The following EYA3 variants were observed in gnomAD, a reference collection of about 807,000 sequenced individuals.
EYA3 encodes the protein protein phosphatase EYA3.
EYA3 carries 39 observed loss-of-function variants against 80.0 expected under a neutral mutation model. The ratio of observed to expected loss-of-function variants is 0.49; its 90% confidence interval spans 0.38 to 0.64. The LOEUF (loss-of-function observed/expected upper bound fraction) is 0.64. Ranked by LOEUF, EYA3 falls within the 30% of genes least tolerant of loss-of-function variation. The pLI, the probability that EYA3 is intolerant of heterozygous loss-of-function variation, is 0.00. For missense variants in EYA3, 523 were observed against 676.1 expected, an observed-to-expected ratio of 0.77 and a Z score of 2.51; for synonymous variants, 206 against 232.8, an observed-to-expected ratio of 0.88 and a Z score of 1.05.
At chr1:28,012,176 A>G (rs1392336871) in intron 9 of EYA3, among the ~76,000 whole-genome samples, 4 of 152,184 alleles carry the variant, frequency 2.6e-5, no homozygotes, top group Admixed American at 1.3e-4. Flanking sequence ...CTATAAGTTG[A>G]TAACTGTTGA....
chr1:27,977,271 G>T (rs1257376423), intron 17 of EYA3: 2 of 1,544,674 alleles, frequency 1.3e-6, no homozygotes, highest in Non-Finnish European at 1.7e-6. Flanking sequence ...AATGCCAACT[G>T]ATTACCAATC....
intron 16 of EYA3, 129 bp from the exon 17 acceptor site, chr1:27,978,603 CTGGGGAGTAGGGA>C: frequency 1.5e-6 from 1 of 664,058 alleles, no homozygotes; most frequent in Non-Finnish European, 2.6e-6. Context: ...AGTTTGCTTG[CTGGGGAGTAGGGA>C]TGGGAGCTAG....
At chr1:28,043,893 C>A (rs936048969) in intron 3 of EYA3, among the ~76,000 whole-genome samples, 3 of 152,088 alleles carry the variant, frequency 2.0e-5, no homozygotes, top group Non-Finnish European at 4.4e-5. Context: ...TGTTTCCAAG[C>A]GGGGGTTCTA....
intron 16 of EYA3, among the ~76,000 whole-genome samples, chr1:27,982,935 A>G (rs1387266393): frequency 2.0e-5 from 3 of 152,192 alleles, no homozygotes; most frequent in Admixed American, 6.5e-5. Context: ...GCAATATAGC[A>G]TTCTGTTGTT....
At chr1:28,084,672 G>A (rs1425597234) in intron 1 of EYA3, among the ~76,000 whole-genome samples, 2 of 126,530 alleles carry the variant, frequency 1.6e-5, no homozygotes, top group African/African-American at 3.0e-5. Context: ...GCAGTAGCAC[G>A]ATCTCAGCTC....
At chr1:27,982,855 G>T (rs1299044197) in intron 16 of EYA3, among the ~76,000 whole-genome samples, 1 of 152,094 alleles carries the variant, frequency 6.6e-6, no homozygotes, top group African/African-American at 2.4e-5. Context: ...GTGAGCCACC[G>T]CGCTTGGCCT....
chr1:27,984,913 A>G (rs1639548608), intron 16 of EYA3, among the ~76,000 whole-genome samples: 1 of 152,222 alleles, frequency 6.6e-6, no homozygotes, highest in African/African-American at 2.4e-5. Flanking sequence ...GTTAGTAAAA[A>G]TATTAGAACA....
chr1:28,064,272 C>G (rs930966032), intron 1 of EYA3, among the ~76,000 whole-genome samples: 3 of 151,534 alleles, frequency 2.0e-5, no homozygotes, highest in African/African-American at 4.8e-5. Flanking sequence ...AAAAAACAAC[C>G]CAGTGTATGA....
At chr1:27,980,846 T>C (rs1260053829) in intron 16 of EYA3, among the ~76,000 whole-genome samples, 2 of 152,162 alleles carry the variant, frequency 1.3e-5, no homozygotes, top group Non-Finnish European at 2.9e-5. Context: ...TGAGATTAGC[T>C]TGGGCAACAC....
intron 14 of EYA3, among the ~76,000 whole-genome samples, chr1:27,992,209 T>A (rs1640116864): frequency 6.6e-6 from 1 of 152,054 alleles, no homozygotes; most frequent in African/African-American, 2.4e-5. Flanking sequence ...AGGCCAGCAG[T>A]CCTCAACCTT....
intron 1 of EYA3, among the ~76,000 whole-genome samples, chr1:28,080,968 C>G (rs1645403714): frequency 6.6e-6 from 1 of 151,862 alleles, no homozygotes; most frequent in Non-Finnish European, 1.5e-5. Flanking sequence ...GTTGGCTAGG[C>G]TGGTCTTGAA....
chr1:28,027,006 T>C (rs185206544), intron 7 of EYA3, among the ~76,000 whole-genome samples: 57 of 152,306 alleles, frequency 3.7e-4, no homozygotes, highest in African/African-American at 1.3e-3. Context: ...AGATAGGTTT[T>C]TGAGGTCCCA....
chr1:28,000,315 T>C (rs987420244), intron 11 of EYA3, among the ~76,000 whole-genome samples: 4 of 152,064 alleles, frequency 2.6e-5, no homozygotes, highest in Non-Finnish European at 4.4e-5. Context: ...ATATGATTTT[T>C]TTTTTCTTTT....
chr1:28,061,285 A>C (rs1557631161), intron 1 of EYA3, among the ~76,000 whole-genome samples: 1 of 152,198 alleles, frequency 6.6e-6, no homozygotes, highest in African/African-American at 2.4e-5. Flanking sequence ...CCATCAATAC[A>C]GTATTCTCCT....
At chr1:28,047,966 T>C (rs1031059407) in intron 3 of EYA3, among the ~76,000 whole-genome samples, 2 of 152,152 alleles carry the variant, frequency 1.3e-5, no homozygotes, top group Non-Finnish European at 1.5e-5. Context: ...ATAAGAGGAG[T>C]GGGGTTAATG....
intron 13 of EYA3, 21 bp from the exon 14 acceptor site, chr1:27,993,581 A>G: frequency 2.6e-6 from 4 of 1,557,630 alleles, no homozygotes; most frequent in African/African-American, 1.4e-5. Flanking sequence ...AGAAGATAAT[A>G]AAAATTAAAA....
intron 6 of EYA3, among the ~76,000 whole-genome samples, chr1:28,029,196 T>G (rs1642965264): frequency 6.6e-6 from 1 of 152,206 alleles, no homozygotes. Context: ...TATATTTATA[T>G]CCCTTCCTGC....
intron 13 of EYA3, among the ~76,000 whole-genome samples, chr1:27,995,334 C>A (rs1456579319): frequency 1.5e-5 from 2 of 135,342 alleles, no homozygotes; most frequent in Admixed American, 1.5e-4. Flanking sequence ...ATCATTTAAG[C>A]CTGGGAGGGT....
intron 4 of EYA3, among the ~76,000 whole-genome samples, chr1:28,042,253 G>C (rs1013659529): frequency 6.6e-6 from 1 of 152,094 alleles, no homozygotes; most frequent in African/African-American, 2.4e-5. Flanking sequence ...ATATACATGG[G>C]AAGTATATAT....
Sources: allele counts gnomAD v4.1 joint callset (sites outside exome capture counted in the v4.1 genomes callset), GRCh38; gene constraint gnomAD v4.1.1; transcripts MANE v1.5; gene names NCBI Gene and HGNC (gene_info 2026-07-23, HGNC 2026-07-21).